The following UBE2E2 variants were observed in gnomAD, a reference collection of about 807,000 sequenced individuals.
UBE2E2 encodes the protein ubiquitin-conjugating enzyme E2 E2.
A neutral mutation model predicts 24.7 loss-of-function variants in UBE2E2; 6 were observed. That is an observed-to-expected ratio of 0.24 (90% confidence interval 0.13 to 0.48). The LOEUF is 0.48. Ranked by LOEUF, UBE2E2 falls within the 20% of genes least tolerant of loss-of-function variation. The probability of loss-of-function intolerance (pLI) is 0.99; values close to 1 mark genes in which losing one functional copy is unlikely to be tolerated. For missense variants in UBE2E2, 169 were observed against 245.0 expected, an observed-to-expected ratio of 0.69 and a Z score of 2.07; for synonymous variants, 104 against 83.6, an observed-to-expected ratio of 1.24 and a Z score of -1.33.
intron 3 of UBE2E2, among the ~76,000 whole-genome samples, chr3:23,285,424 A>G (rs377225442): frequency 2.6e-5 from 4 of 152,218 alleles, no homozygotes; most frequent in South Asian, 2.1e-4. Context: ...TGGTAGCCCA[A>G]TTTTTAATTT....
intron 3 of UBE2E2, among the ~76,000 whole-genome samples, chr3:23,252,179 A>G (rs1006593371): frequency 6.6e-6 from 1 of 152,198 alleles, no homozygotes; most frequent in Non-Finnish European, 1.5e-5. Flanking sequence ...TTGTGTATAC[A>G]TACATATTTT....
At chr3:23,574,356 T>C (rs924988483) in intron 5 of UBE2E2, among the ~76,000 whole-genome samples, 3 of 152,158 alleles carry the variant, frequency 2.0e-5, no homozygotes, top group African/African-American at 7.2e-5. Flanking sequence ...TAATTGTACA[T>C]GTTAAAATAA....
chr3:23,519,591 A>T (rs1160335213), intron 4 of UBE2E2, among the ~76,000 whole-genome samples: 3 of 152,162 alleles, frequency 2.0e-5, no homozygotes, highest in Non-Finnish European at 4.4e-5. Flanking sequence ...ATGTTGAAAC[A>T]GTTGTTTACT....
intron 3 of UBE2E2, among the ~76,000 whole-genome samples, chr3:23,446,262 C>A (rs1047875450): frequency 2.4e-4 from 37 of 152,176 alleles, no homozygotes; most frequent in African/African-American, 8.7e-4. Flanking sequence ...AACTTGTTTA[C>A]CTTAAAGAGG....
At chr3:23,302,243 T>G (rs1404294001) in intron 3 of UBE2E2, among the ~76,000 whole-genome samples, 1 of 152,180 alleles carries the variant, frequency 6.6e-6, no homozygotes, top group Non-Finnish European at 1.5e-5. Context: ...GGTTCTTATT[T>G]CCTGCCTGCA....
At chr3:23,273,160 C>T (rs1202092558) in intron 3 of UBE2E2, among the ~76,000 whole-genome samples, 1 of 152,224 alleles carries the variant, frequency 6.6e-6, no homozygotes, top group African/African-American at 2.4e-5. Context: ...ATGGTTTACA[C>T]TTCTAAAACA....
chr3:23,499,338 C>T (rs1038911380), intron 3 of UBE2E2, among the ~76,000 whole-genome samples: 1 of 152,160 alleles, frequency 6.6e-6, no homozygotes, highest in African/African-American at 2.4e-5. Context: ...GTGTTTCTAC[C>T]TCTGGCCTGT....
chr3:23,574,405 T>G (rs1209861466), intron 5 of UBE2E2, among the ~76,000 whole-genome samples: 5 of 152,194 alleles, frequency 3.3e-5, no homozygotes, highest in African/African-American at 9.6e-5. Context: ...ACACAAAGGA[T>G]ACATGCTTGA....
intron 5 of UBE2E2, among the ~76,000 whole-genome samples, chr3:23,549,129 C>T (rs532388117): frequency 1.1e-4 from 17 of 152,352 alleles, no homozygotes; most frequent in African/African-American, 3.4e-4. Context: ...TTGTAAGCAG[C>T]ACTGCCAAAG....
At chr3:23,443,944 G>A (rs953797935) in intron 3 of UBE2E2, among the ~76,000 whole-genome samples, 11 of 152,070 alleles carry the variant, frequency 7.2e-5, no homozygotes, top group Non-Finnish European at 1.5e-4. Context: ...CACACTGTCC[G>A]AAAGACTTTA....
intron 3 of UBE2E2, among the ~76,000 whole-genome samples, chr3:23,335,036 C>A (rs1207344079): frequency 6.6e-6 from 1 of 152,164 alleles, no homozygotes; most frequent in East Asian, 1.9e-4. Flanking sequence ...TAAATATGCA[C>A]ATAAATGAGT....
At chr3:23,225,168 T>C (rs1696784253) in intron 3 of UBE2E2, among the ~76,000 whole-genome samples, 1 of 152,114 alleles carries the variant, frequency 6.6e-6, no homozygotes, top group South Asian at 2.1e-4. Flanking sequence ...GTAAGAGTTT[T>C]TTCAAAATAC....
intron 3 of UBE2E2, among the ~76,000 whole-genome samples, chr3:23,456,759 C>G (rs557221873): frequency 6.6e-6 from 1 of 152,156 alleles, no homozygotes; most frequent in Non-Finnish European, 1.5e-5. Context: ...ATTTAAGGCC[C>G]TAGGATTTTT....
At chr3:23,363,974 A>G (rs918568139) in intron 3 of UBE2E2, among the ~76,000 whole-genome samples, 2 of 152,176 alleles carry the variant, frequency 1.3e-5, no homozygotes, top group Non-Finnish European at 2.9e-5. Flanking sequence ...AAAAATAGAA[A>G]TCAATACTAA....
intron 3 of UBE2E2, among the ~76,000 whole-genome samples, chr3:23,352,254 A>G (rs1695777080): frequency 6.6e-6 from 1 of 152,022 alleles, no homozygotes; most frequent in Admixed American, 6.5e-5. Flanking sequence ...GGAAATTTAT[A>G]GCACTAAATG....
intron 4 of UBE2E2, among the ~76,000 whole-genome samples, chr3:23,518,264 T>C (rs913188817): frequency 6.6e-6 from 1 of 152,108 alleles, no homozygotes; most frequent in Non-Finnish European, 1.5e-5. Context: ...AGATTAGATA[T>C]GGACAAGTGG....
At chr3:23,457,740 T>C (rs539255211) in intron 3 of UBE2E2, among the ~76,000 whole-genome samples, 10 of 152,214 alleles carry the variant, frequency 6.6e-5, no homozygotes, top group Non-Finnish European at 1.5e-4. Flanking sequence ...GGTCTCAAAC[T>C]CCCACATTCC....
chr3:23,421,219 C>G (rs1401115881), intron 3 of UBE2E2, among the ~76,000 whole-genome samples: 1 of 152,170 alleles, frequency 6.6e-6, no homozygotes, highest in Non-Finnish European at 1.5e-5. Flanking sequence ...TTTAGTGCAT[C>G]TTTGCAGTAG....
chr3:23,248,891 T>C (rs879455762), intron 3 of UBE2E2, among the ~76,000 whole-genome samples: 7 of 152,370 alleles, frequency 4.6e-5, no homozygotes, highest in Non-Finnish European at 7.4e-5. Flanking sequence ...TGTTTTGGCC[T>C]TATTGAAGAA....
Sources: gnomAD v4.1 joint callset for allele counts (sites outside exome capture counted in the v4.1 genomes callset) on GRCh38, gnomAD v4.1.1 for gene constraint, MANE v1.5 for transcripts, NCBI Gene and HGNC (gene_info 2026-07-23, HGNC 2026-07-21) for gene names.